SH3D19: variants seen among roughly 807,000 people sequenced by gnomAD.
The protein encoded by SH3D19 is SH3 domain-containing protein 19.
A neutral mutation model predicts 112.1 loss-of-function variants in SH3D19; 58 were observed. That is an observed-to-expected ratio of 0.52 (90% CI 0.42 to 0.64). The LOEUF (loss-of-function observed/expected upper bound fraction) is 0.64. SH3D19 is among the 30% of genes least tolerant of loss of function. SH3D19 has a pLI of 0.00. For missense variants in SH3D19, 1,090 were observed against 1,263.4 expected (o/e 0.86, Z 2.08); for synonymous variants, 391 against 448.5 (o/e 0.87, Z 1.62).
chr4:151,164,186 G>A (rs937169058), intron 8 of SH3D19, among the ~76,000 whole-genome samples: 1 of 152,186 alleles, frequency 6.6e-6, no homozygotes, highest in Non-Finnish European at 1.5e-5. Context: ...TGGAATGCTT[G>A]TTCTGCTTTA....
intron 1 of SH3D19, among the ~76,000 whole-genome samples, chr4:151,251,965 A>G (rs551798203): frequency 8.5e-5 from 13 of 152,340 alleles, no homozygotes; most frequent in Admixed American, 3.9e-4. Flanking sequence ...CTGAGGAAAC[A>G]GAAACAATAA....
Position 151,301,296 on chromosome 4 carries a change from C to T in SH3D19, c.112+23945G>A, listed in dbSNP as rs573028913. On this transcript the variant is annotated intron_variant, in intron 1 of 19. Coordinates refer to ENST00000604030, the MANE Select transcript of SH3D19 (RefSeq NM_001378122.1). ...AGGCTGGAGCGCAATGGCGCAATCT[C>T]GGCTCACCACAACCTCCACCTCCCA... is the stretch of plus-strand genomic sequence containing the variant. 1.7e-4 allele frequency among the ~76,000 whole-genome samples: 26 copies of T among 152,338 alleles called. No homozygotes were observed. In the South Asian group the frequency reaches 4.8e-3, roughly 28 times the overall value.
intron 19 of SH3D19, among the ~76,000 whole-genome samples, chr4:151,125,040 T>C (rs1415311457): frequency 7.0e-6 from 1 of 143,284 alleles, no homozygotes; most frequent in Admixed American, 7.6e-5. Flanking sequence ...TCTCAAGGAC[T>C]AAGGCAACAG....
intron 11 of SH3D19, among the ~76,000 whole-genome samples, chr4:151,147,055 G>C (rs1449646342): frequency 6.6e-6 from 1 of 152,116 alleles, no homozygotes; most frequent in Non-Finnish European, 1.5e-5. Flanking sequence ...TTACTCAAGG[G>C]GAAAAGGAGT....
intron 18 of SH3D19, 39 bp from the exon 19 acceptor site, chr4:151,127,754 G>T: frequency 5.0e-6 from 6 of 1,200,946 alleles, no homozygotes; most frequent in Non-Finnish European, 7.0e-6. Context: ...TAGAAACACA[G>T]TGGACTAAAA....
Position 151,175,605 on chromosome 4 carries a change from A to G in SH3D19, c.599T>C (p.Val200Ala). Reference sequence around the variant, plus strand: ...AATATCAAAGACGATTAAAGGTGCCACATTTGTTGGAAGATTGCCAGACGA... The same window carrying G: ...AATATCAAAGACGATTAAAGGTGCCGCATTTGTTGGAAGATTGCCAGACGA... Reference protein sequence around the residue: ...AVSSGNLPTNVAPLIVFDISE... With the variant: ...AVSSGNLPTNAAPLIVFDISE... The change falls in exon 7 of 20, where the codon GTG (valine) becomes GCG (alanine). Residue 200 changes from valine (V) to alanine (A), a missense_variant. Transcript: ENST00000604030. 7.6e-7 allele frequency: 1 copy of G among 1,318,618 alleles called. No individual in the cohort carries two copies. The highest frequency in any genetic ancestry group is 9.6e-7 in the Non-Finnish European group (1 of 1,040,606). The allele number at this position is 1,318,618 out of a possible 1,614,324, so 81.7% of individuals were successfully genotyped here.
At chr4:151,312,593 G>C (rs1271170323) in intron 1 of SH3D19, among the ~76,000 whole-genome samples, 1 of 152,124 alleles carries the variant, frequency 6.6e-6, no homozygotes. Context: ...GGCATCACCA[G>C]GACCTTGTTA....
intron 1 of SH3D19, among the ~76,000 whole-genome samples, chr4:151,307,216 G>C (rs1465101670): frequency 6.6e-6 from 1 of 151,674 alleles, no homozygotes; most frequent in Non-Finnish European, 1.5e-5. Flanking sequence ...TAGAGACGGG[G>C]TTTCACCGTT....
chr4:151,247,971 T>A (rs1253496685), intron 1 of SH3D19, among the ~76,000 whole-genome samples: 1 of 152,198 alleles, frequency 6.6e-6, no homozygotes, highest in Non-Finnish European at 1.5e-5. Context: ...ACATATTCCT[T>A]ACAGCCCCAT....
chr4:151,150,857 T>C (rs1754923486), intron 9 of SH3D19, among the ~76,000 whole-genome samples: 1 of 151,784 alleles, frequency 6.6e-6, no homozygotes, highest in South Asian at 2.1e-4. Flanking sequence ...ATGAAGGTAA[T>C]ACGTGGAGAA....
At chr4:151,243,226 T>C (rs1381388251) in intron 1 of SH3D19, among the ~76,000 whole-genome samples, 1 of 152,236 alleles carries the variant, frequency 6.6e-6, no homozygotes, top group African/African-American at 2.4e-5. Context: ...AGAATCTGTA[T>C]ACTTCCTAAG....
rs138570945 is a variant in SH3D19, at chr4:151,313,854, C to G, written c.112+11387G>C. Among the ~76,000 whole-genome samples the G allele has an allele frequency of 3.3e-5, 5 of 152,256 alleles. No homozygotes were observed. The East Asian group carries it at 9.7e-4, about 29-fold the overall frequency. On this transcript the variant is annotated intron_variant, in intron 1 of 19. Coordinates refer to ENST00000604030, the MANE Select transcript of SH3D19 (RefSeq NM_001378122.1). ...GTGTGGTAGCAAGATAAGACAGGATCATTTACATGGGTGATATGCTGGGGG... is the reference window on the plus strand; with the variant it reads ...GTGTGGTAGCAAGATAAGACAGGATGATTTACATGGGTGATATGCTGGGGG...
chr4:151,156,497 T>G (rs182712231), intron 9 of SH3D19, among the ~76,000 whole-genome samples: 146 of 152,220 alleles, frequency 9.6e-4, no homozygotes, highest in Non-Finnish European at 2.2e-4. Context: ...TGGAACAGAA[T>G]AGAGAATCCA....
chr4:151,135,421 ATTTTT>A (rs34291277), intron 14 of SH3D19, among the ~76,000 whole-genome samples: 5 of 87,488 alleles, frequency 5.7e-5, no homozygotes, highest in African/African-American at 9.8e-5. Context: ...TCTCTATCTC[ATTTTT>A]TTTTTTTTTT....
chr4:151,226,161 G>A (rs1768959098), intron 1 of SH3D19, 75 bp from the exon 2 acceptor site: 2 of 1,229,808 alleles, frequency 1.6e-6, no homozygotes, highest in Non-Finnish European at 1.0e-6. Flanking sequence ...AATACCAGCT[G>A]CCATACCATT....
intron 1 of SH3D19, chr4:151,291,595 T>C: frequency 1.6e-6 from 1 of 615,706 alleles, no homozygotes; most frequent in Non-Finnish European, 2.8e-6. Context: ...GTACATTCTT[T>C]GTCCTTGACT....
At chr4:151,203,225 G>A (rs536970383) in intron 2 of SH3D19, among the ~76,000 whole-genome samples, 10 of 152,158 alleles carry the variant, frequency 6.6e-5, no homozygotes, top group Admixed American at 2.0e-4. Flanking sequence ...CCCCATCATC[G>A]CCACCAGCCC....
chr4:151,298,341 C>G, intron 1 of SH3D19, among the ~76,000 whole-genome samples: 1 of 151,930 alleles, frequency 6.6e-6, no homozygotes, highest in East Asian at 1.9e-4. Flanking sequence ...CCATGCCCAG[C>G]TAATTTTTGT....
intron 1 of SH3D19, among the ~76,000 whole-genome samples, chr4:151,272,207 G>A (rs1386781177): frequency 2.0e-5 from 3 of 152,162 alleles, no homozygotes; most frequent in African/African-American, 7.2e-5. Context: ...GATAAAATAC[G>A]GTGATAAACA....
Sources: gnomAD v4.1 joint callset for allele counts (sites outside exome capture counted in the v4.1 genomes callset) on GRCh38, gnomAD v4.1.1 for gene constraint, MANE v1.5 for transcripts, NCBI Gene and HGNC (gene_info 2026-07-23, HGNC 2026-07-21) for gene names.